ZFYVE26: variants seen among roughly 807,000 people sequenced by gnomAD.
ZFYVE26 encodes the protein zinc finger FYVE domain-containing protein 26.
Under a neutral mutation model 276.5 loss-of-function variants are expected in ZFYVE26, and 181 were observed. That is an observed-to-expected ratio of 0.65 (90% confidence interval 0.58 to 0.74). The LOEUF (loss-of-function observed/expected upper bound fraction) is 0.74. Among genes scored for constraint, ZFYVE26 ranks in the 30% least tolerant of loss-of-function variants. The pLI, the probability that ZFYVE26 is intolerant of heterozygous loss-of-function variation, is 0.00. For missense variants in ZFYVE26, 2,821 were observed against 3,097.9 expected, an observed-to-expected ratio of 0.91 and a Z score of 2.12; for synonymous variants, 1,129 against 1,203.1, an observed-to-expected ratio of 0.94 and a Z score of 1.27.
intron 13 of ZFYVE26, among the ~76,000 whole-genome samples, chr14:67,733,012 C>A (rs1431015738): frequency 1.3e-5 from 2 of 151,896 alleles, no homozygotes; most frequent in African/African-American, 2.4e-5. Flanking sequence ...AGGAGATATA[C>A]CTAATGCTAA....
At chr14:67,816,193 T>A in intron 1 of ZFYVE26, 147 bp from the exon 2 acceptor site, 1 of 531,532 alleles carries the variant, frequency 1.9e-6, no homozygotes, top group Non-Finnish European at 3.3e-6. Context: ...TTGAAAACAC[T>A]TTCTTCAAGG....
Position 67,766,257 on chromosome 14 carries a change from C to T in ZFYVE26, c.5981G>A (p.Gly1994Asp), listed in dbSNP as rs1359433577. Residue 1994 changes from glycine to aspartate, a missense_variant, in exon 32 of 42, where the codon GGC becomes GAC. Transcript: ENST00000347230. ...FSAKMMFVKA[G>D]QSQDLALCDS... ...ACAAAGAGCCAAGTCTTGGCTCTGG[C>T]CGGCTTTGACGAACATCATCTTGGC... is the stretch of plus-strand genomic sequence containing the variant. 5.0e-6 allele frequency: 8 copies of T among 1,613,966 alleles called. No individual in the cohort carries two copies. The highest frequency in any genetic ancestry group is 6.8e-6 in the Non-Finnish European group (8 of 1,180,050).
chr14:67,785,186 C>A lies in ZFYVE26; in HGVS notation c.3396G>T (p.Gln1132His). Residue 1132 changes from glutamine to histidine, a missense_variant, in exon 19 of 42, where the codon CAG becomes CAT. Gln to His is a conservative substitution (Grantham distance 24). Transcript: ENST00000347230. ...AEAHPVQIQTQLLQKNLGKQT... is the reference protein window; with the variant it reads ...AEAHPVQIQTHLLQKNLGKQT... ...GTTTGCCCAGGTTCTTCTGGAGGAG[C>A]TGAGTCTGGATCTGCACAGGGTGGG... The A allele has an allele frequency of 6.2e-7, 1 of 1,614,140 alleles. No homozygotes were observed.
intron 41 of ZFYVE26, among the ~76,000 whole-genome samples, chr14:67,749,422 TCC>T (rs1315297948): frequency 1.3e-5 from 2 of 152,104 alleles, no homozygotes; most frequent in Non-Finnish European, 2.9e-5. Context: ...ATCTCATGAA[TCC>T]CCAGCTTGGT....
At chr14:67,767,301 T>C (rs1413881948) in intron 31 of ZFYVE26, among the ~76,000 whole-genome samples, 1 of 152,194 alleles carries the variant, frequency 6.6e-6, no homozygotes, top group Admixed American at 6.5e-5. Context: ...ATTAACCCTA[T>C]TGACTCTATG....
intron 13 of ZFYVE26, among the ~76,000 whole-genome samples, chr14:67,731,403 T>G (rs550648791): frequency 6.6e-6 from 1 of 151,796 alleles, no homozygotes; most frequent in African/African-American, 2.4e-5. Context: ...CTAGTAGAGA[T>G]GGAGTTTTGC....
chr14:67,733,645 T>A, intron 13 of ZFYVE26: 1 of 774,468 alleles, frequency 1.3e-6, no homozygotes, highest in Non-Finnish European at 2.2e-6. Flanking sequence ...TGGCATATAT[T>A]GTATTTTATT....
At chr14:67,802,328 C>T (rs1175641300) in intron 9 of ZFYVE26, 46 bp from the exon 10 acceptor site, 2 of 1,597,364 alleles carry the variant, frequency 1.3e-6, no homozygotes, top group Admixed American at 3.3e-5. Flanking sequence ...TTAATTAATT[C>T]AGGATGCAAG....
rs774971257 is a variant in ZFYVE26 at position 67,767,757 on chromosome 14, C to G, written c.5737G>C (p.Asp1913His). 6.2e-7 allele frequency: 1 copy of G among 1,614,168 alleles called. No individual in the cohort carries two copies. Among genetic ancestry groups the G allele is most frequent in the Admixed American group, 1.7e-5 (1 of 60,018 alleles). Residue 1913 changes from aspartate to histidine, a missense_variant, in exon 31 of 42, where the codon GAT (aspartate) becomes CAT (histidine). Transcript: ENST00000347230. The part of the protein sequence containing the change: ...PKADEVEWIL[D>H]LKEEENELVR... ...AGCTCATTTTCCTCCTCTTTGAGAT[C>G]CAAAATCCATTCCACCTCATCTGCT...
At chr14:67,787,169 C>T (rs1490980749) in intron 16 of ZFYVE26, among the ~76,000 whole-genome samples, 1 of 151,866 alleles carries the variant, frequency 6.6e-6, no homozygotes, top group Non-Finnish European at 1.5e-5. Context: ...GATGGTGAAA[C>T]CCCTTCTCTA....
At chr14:67,733,363 C>A (rs867371333) in intron 13 of ZFYVE26, among the ~76,000 whole-genome samples, 4 of 152,124 alleles carry the variant, frequency 2.6e-5, no homozygotes, top group African/African-American at 9.7e-5. Flanking sequence ...TCTTCAATTA[C>A]GAATGTAGGC....
chr14:67,763,442 A>G (rs1255809898), intron 32 of ZFYVE26, among the ~76,000 whole-genome samples: 1 of 152,238 alleles, frequency 6.6e-6, no homozygotes, highest in East Asian at 1.9e-4. Flanking sequence ...TCATAATATC[A>G]TATTTTTACT....
Position 67,803,635 on chromosome 14 carries a change from G to A in ZFYVE26, c.1435+466C>T, listed in dbSNP as rs117922373. Among the ~76,000 whole-genome samples the A allele has an allele frequency of 3.0e-3, 459 of 152,220 alleles. 12 individuals carry two copies. The East Asian group carries it at 0.074, about 24-fold the overall frequency. On this transcript the variant is annotated intron_variant, in intron 9 of 41. Transcript: ENST00000347230. ...TGGGATTACAGGCGTGAGACACTGC[G>A]CCCAGCCCAGGCAAGTCTTTCTTCT... is the stretch of plus-strand genomic sequence containing the variant.
rs1202196277 is a variant in ZFYVE26 at position 67,781,513 on chromosome 14, T to C, written c.4389A>G (p.Gln1463=). 2 of 1,614,156 alleles carry C rather than the reference T, an allele frequency of 1.2e-6. No individual in the cohort carries two copies. The highest frequency in any genetic ancestry group is 1.7e-5 in the Admixed American group (1 of 60,018). ...CAVACDKEGW[Q]YLFPVKDASL... The stretch of plus-strand genomic sequence containing the variant: ...ATGCATCCTTCACGGGAAACAGGTA[T>C]TGCCAACCTTCTTTGTCTATAAGAC... The change falls in exon 22 of 42, where the codon CAA becomes CAG. Residue 1463 remains glutamine, a synonymous_variant. Transcript: ENST00000347230.
intron 27 of ZFYVE26, among the ~76,000 whole-genome samples, 186 bp downstream of exon 27, chr14:67,774,827 TAAC>T (rs1168649478): frequency 3.3e-5 from 5 of 151,158 alleles, no homozygotes; most frequent in African/African-American, 1.2e-4. Flanking sequence ...CTGCCACAAA[TAAC>T]AATAGTTGAC....
intron 11 of ZFYVE26, 107 bp from the exon 12 acceptor site, chr14:67,797,862 G>A: frequency 1.9e-6 from 3 of 1,572,390 alleles, no homozygotes; most frequent in South Asian, 2.2e-5. Context: ...CTGAGACATG[G>A]AGCATACCCC....
downstream of ZFYVE26, among the ~76,000 whole-genome samples, chr14:67,741,957 C>G (rs2038420234): frequency 6.6e-6 from 1 of 152,212 alleles, no homozygotes; most frequent in African/African-American, 2.4e-5. Flanking sequence ...TTCTTCCTTG[C>G]TGATTCACTT....
At chr14:67,786,548 G>A (rs557550658) in intron 16 of ZFYVE26, among the ~76,000 whole-genome samples, 6 of 152,318 alleles carry the variant, frequency 3.9e-5, no homozygotes, top group East Asian at 1.9e-4. Context: ...CTCAACTTGA[G>A]CGGAGATCAT....
intron 12 of ZFYVE26, among the ~76,000 whole-genome samples, chr14:67,794,778 AC>A: frequency 6.6e-6 from 1 of 152,098 alleles, no homozygotes; most frequent in Non-Finnish European, 1.5e-5. Flanking sequence ...GACCCCGTCT[AC>A]ACAAAAAATT....
Sources: allele counts gnomAD v4.1 joint callset (sites outside exome capture counted in the v4.1 genomes callset), GRCh38; gene constraint gnomAD v4.1.1; transcripts MANE v1.5; gene names NCBI Gene and HGNC (gene_info 2026-07-23, HGNC 2026-07-21).